Variants in RAD51B observed in about 807,000 individuals in gnomAD.
The protein encoded by RAD51B is RAD51 paralog B, also known as DNA repair protein RAD51 homolog 2.
Under a neutral mutation model 42.2 loss-of-function variants are expected in RAD51B, and 38 were observed. The ratio of observed to expected loss-of-function variants is 0.90; its 90% confidence interval spans 0.70 to 1.18. The LOEUF (loss-of-function observed/expected upper bound fraction) is 1.18, where lower values mean the gene tolerates loss of function less well. Among genes scored for constraint, RAD51B ranks in the 50% most tolerant of loss-of-function variants. The pLI is 0.00. For missense variants in RAD51B, 373 were observed against 400.7 expected (o/e 0.93, Z 0.59); for synonymous variants, 154 against 145.2 (o/e 1.06, Z -0.43).
chr14:68,441,183 T>A (rs867450205), intron 9 of RAD51B, among the ~76,000 whole-genome samples: 35 of 152,328 alleles, frequency 2.3e-4, no homozygotes, highest in Middle Eastern at 3.4e-3. Flanking sequence ...AGGGAGCCTA[T>A]GAAGTGAATT....
At chr14:68,643,417 C>A (rs552256193) in intron 10 of RAD51B, among the ~76,000 whole-genome samples, 285 of 152,262 alleles carry the variant, frequency 1.9e-3, no homozygotes, top group African/African-American at 6.7e-3. Flanking sequence ...AAGTAGATTT[C>A]TTGTAGACAA....
At chr14:68,164,448 TC>T (rs1242983260) in intron 7 of RAD51B, among the ~76,000 whole-genome samples, 5 of 152,076 alleles carry the variant, frequency 3.3e-5, no homozygotes, top group African/African-American at 4.8e-5. Flanking sequence ...TTGGTGAAGT[TC>T]CCTGAAGTCC....
chr14:68,358,736 T>C (rs2139902606), intron 8 of RAD51B, among the ~76,000 whole-genome samples: 1 of 152,370 alleles, frequency 6.6e-6, no homozygotes, highest in South Asian at 2.1e-4. Flanking sequence ...CCATGGAATG[T>C]AGGATCTGGA....
At chr14:67,847,083 G>T (rs560770451) in intron 4 of RAD51B, among the ~76,000 whole-genome samples, 1 of 152,232 alleles carries the variant, frequency 6.6e-6, no homozygotes, top group Admixed American at 6.5e-5. Flanking sequence ...AAGTCTTGGT[G>T]TGTGATAGCC....
intron 3 of RAD51B, among the ~76,000 whole-genome samples, chr14:67,832,006 T>A (rs2041067736): frequency 6.6e-6 from 1 of 152,206 alleles, no homozygotes; most frequent in East Asian, 1.9e-4. Context: ...GAAAAAAATG[T>A]CTACGTAAGG....
intron 10 of RAD51B, among the ~76,000 whole-genome samples, chr14:68,474,011 G>C (rs1242875811): frequency 3.9e-5 from 6 of 152,118 alleles, no homozygotes; most frequent in South Asian, 4.1e-4. Flanking sequence ...TGATACACAG[G>C]TCACATGATA....
chr14:68,643,580 A>G (rs1252651759), intron 10 of RAD51B, among the ~76,000 whole-genome samples: 1 of 152,206 alleles, frequency 6.6e-6, no homozygotes, highest in African/African-American at 2.4e-5. Context: ...GGGAGAAAAG[A>G]GCAGTCATAG....
chr14:68,362,588 A>T (rs573186495), intron 8 of RAD51B, among the ~76,000 whole-genome samples: 4 of 152,128 alleles, frequency 2.6e-5, no homozygotes, highest in Admixed American at 6.5e-5. Flanking sequence ...AGTGGCTCAC[A>T]CCTGTAATCC....
chr14:68,327,737 T>C (rs910947770), intron 8 of RAD51B, among the ~76,000 whole-genome samples: 1 of 151,986 alleles, frequency 6.6e-6, no homozygotes, highest in African/African-American at 2.4e-5. Flanking sequence ...TAAAAAAAAG[T>C]ATATAATATT....
intron 10 of RAD51B, among the ~76,000 whole-genome samples, chr14:68,484,380 C>T (rs1388300517): frequency 1.1e-5 from 1 of 91,242 alleles, no homozygotes; most frequent in Non-Finnish European, 2.1e-5. Context: ...TTTTTTGAGA[C>T]AGAGTTTTGC....
chr14:68,562,902 A>T, intron 10 of RAD51B: 1 of 985,434 alleles, frequency 1.0e-6, no homozygotes, highest in Non-Finnish European at 1.2e-6. Flanking sequence ...TTCTGGATGG[A>T]GCCCATTGCC....
intron 7 of RAD51B, among the ~76,000 whole-genome samples, chr14:68,037,046 TCCTTCCTTCCTTCCTCCCTC>T (rs1223805535): frequency 1.8e-5 from 1 of 54,582 alleles, no homozygotes; most frequent in East Asian, 5.3e-4. Flanking sequence ...CCCCCTCCCT[TCCTTCCTTCCTTCCTCCCTC>T]CCTTCCTTTA....
intron 10 of RAD51B, among the ~76,000 whole-genome samples, chr14:68,532,174 T>A (rs970313526): frequency 6.6e-6 from 1 of 152,136 alleles, no homozygotes; most frequent in African/African-American, 2.4e-5. Flanking sequence ...CAATAAAAGA[T>A]GTGTTTAAAT....
intron 7 of RAD51B, among the ~76,000 whole-genome samples, chr14:68,278,245 C>A (rs988214173): frequency 6.6e-5 from 10 of 152,228 alleles, no homozygotes; most frequent in African/African-American, 2.4e-4. Context: ...AATTTCATTT[C>A]TTCCAGAAGG....
chr14:68,389,189 C>T (rs2083679169), intron 8 of RAD51B, among the ~76,000 whole-genome samples: 1 of 152,136 alleles, frequency 6.6e-6, no homozygotes, highest in African/African-American at 2.4e-5. Flanking sequence ...TGAACTTTCT[C>T]ACTGAGCACA....
chr14:67,909,384 G>A (rs1439412913), intron 7 of RAD51B, among the ~76,000 whole-genome samples: 1 of 152,222 alleles, frequency 6.6e-6, no homozygotes, highest in Admixed American at 6.5e-5. Context: ...AACGGATACT[G>A]CTAGTGAACA....
At chr14:68,381,363 G>T (rs929999055) in intron 8 of RAD51B, among the ~76,000 whole-genome samples, 1 of 152,130 alleles carries the variant, frequency 6.6e-6, no homozygotes, top group Non-Finnish European at 1.5e-5. Flanking sequence ...AACTGATCAT[G>T]GTGCATTTCT....
chr14:68,493,269 C>T (rs1884224535), intron 10 of RAD51B, among the ~76,000 whole-genome samples: 1 of 152,210 alleles, frequency 6.6e-6, no homozygotes, highest in Non-Finnish European at 1.5e-5. Flanking sequence ...CTCAAAATCT[C>T]ACTAGAATTC....
At chr14:68,664,655 T>G (rs1892997087) in intron 11 of RAD51B, among the ~76,000 whole-genome samples, 3 of 152,134 alleles carry the variant, frequency 2.0e-5, no homozygotes, top group South Asian at 4.1e-4. Flanking sequence ...TGCCAGTGAA[T>G]CTCCCACCTA....
Sources: allele counts gnomAD v4.1 joint callset (sites outside exome capture counted in the v4.1 genomes callset), GRCh38; gene constraint gnomAD v4.1.1; transcripts MANE v1.5; gene names NCBI Gene and HGNC (gene_info 2026-07-23, HGNC 2026-07-21).